KIFAP3: variants seen among roughly 807,000 people sequenced by gnomAD.
The protein encoded by KIFAP3 is kinesin-associated protein 3.
In KIFAP3, 68 loss-of-function variants were observed where a neutral mutation model predicts 106.5. That is an observed-to-expected ratio of 0.64 (90% confidence interval 0.53 to 0.78). The LOEUF is 0.78. Ranked by LOEUF, KIFAP3 falls within the 30% of genes least tolerant of loss-of-function variation. The pLI, the probability that KIFAP3 is intolerant of heterozygous loss-of-function variation, is 0.00. For missense variants in KIFAP3, 780 were observed against 941.8 expected (o/e 0.83, Z 2.25); for synonymous variants, 320 against 311.5 (o/e 1.03, Z -0.29).
Position 170,016,600 on chromosome 1 carries a change from G to C in KIFAP3, c.1045C>G (p.Leu349Val), listed in dbSNP as rs1188382798. 4 of 1,590,428 alleles carry C rather than the reference G, an allele frequency of 2.5e-6. No homozygotes were observed. Among genetic ancestry groups the C allele is most frequent in the Non-Finnish European group, 3.4e-6 (4 of 1,171,928 alleles). Residue 349 changes from leucine to valine, a missense_variant, in exon 10 of 20, where the codon CTG (leucine) becomes GTG (valine). This residue lies in a region of KIFAP3 where 588 missense variants were observed against 678.9 expected (regional missense o/e 0.87). Coordinates refer to ENST00000361580, the MANE Select transcript of KIFAP3 (RefSeq NM_014970.4). Reference protein sequence around the residue: ...DMVEMDIVEKLVKMIPCEHED... With the variant: ...DMVEMDIVEKVVKMIPCEHED... ...TGCTCACAAGGTATCATTTTCACCA[G>C]TTTTTCAACAATATCCATTTCCACC...
At chr1:169,944,106 GC>G (rs546987769) in intron 19 of KIFAP3, among the ~76,000 whole-genome samples, 48 of 152,268 alleles carry the variant, frequency 3.2e-4, no homozygotes, top group Admixed American at 2.4e-3. Context: ...TGCCCACTAG[GC>G]CCGATAGGCT....
At chr1:169,944,797 A>T (rs957895318) in intron 19 of KIFAP3, among the ~76,000 whole-genome samples, 2 of 152,084 alleles carry the variant, frequency 1.3e-5, no homozygotes, top group Admixed American at 1.3e-4. Flanking sequence ...CCACGTCTGT[A>T]TGAGTCTGGC....
At chr1:169,985,258 A>C (rs932525816) in intron 11 of KIFAP3, among the ~76,000 whole-genome samples, 3 of 151,934 alleles carry the variant, frequency 2.0e-5, no homozygotes, top group Admixed American at 2.0e-4. Flanking sequence ...AGATTTACCC[A>C]GTGTAGAAAA....
At chr1:170,022,541 T>TC (rs1668898868) in intron 9 of KIFAP3, among the ~76,000 whole-genome samples, 1 of 152,178 alleles carries the variant, frequency 6.6e-6, no homozygotes, top group Non-Finnish European at 1.5e-5. Flanking sequence ...TTAATGTCTC[T>TC]GGTCCTCTCC....
At chr1:169,934,944 T>G (rs914943157) in intron 19 of KIFAP3, among the ~76,000 whole-genome samples, 1 of 152,044 alleles carries the variant, frequency 6.6e-6, no homozygotes, top group African/African-American at 2.4e-5. Flanking sequence ...TTTTTCCCCA[T>G]AGTGTATAAA....
intron 10 of KIFAP3, among the ~76,000 whole-genome samples, chr1:170,000,926 T>G (rs1012564360): frequency 2.0e-5 from 3 of 152,120 alleles, no homozygotes. Context: ...GGTTCACGGA[T>G]AAGTAATTTT....
chr1:169,923,111 C>G, intron 19 of KIFAP3: 2 of 984,676 alleles, frequency 2.0e-6, no homozygotes, highest in Non-Finnish European at 2.4e-6. Flanking sequence ...TTCTGAAATA[C>G]AAGTTTCAGG....
chr1:170,065,822 CA>C, intron 1 of KIFAP3, among the ~76,000 whole-genome samples: 2 of 152,140 alleles, frequency 1.3e-5, no homozygotes, highest in South Asian at 4.2e-4. Flanking sequence ...GCCATACAGC[CA>C]GTGGCTATGT....
rs748221653 is a variant in KIFAP3, at chr1:169,982,082, T to A, written c.1688A>T (p.Asp563Val). The A allele has an allele frequency of 6.2e-7, 1 of 1,613,474 alleles. No individual in the cohort carries two copies. The highest frequency in any genetic ancestry group is 8.5e-7 in the Non-Finnish European group (1 of 1,179,608). Reference sequence around the variant, plus strand: ...CATTATAACCACTTCTAAAACAAGATCATCTTCTGCAGCACCTAGTGAAGT... The same window carrying A: ...CATTATAACCACTTCTAAAACAAGAACATCTTCTGCAGCACCTAGTGAAGT... ...DKLKPGAAED[D>V]LVLEVVIMIG... Residue 563 changes from aspartate (D) to valine (V), a missense_variant, in exon 15 of 20, where the codon GAT becomes GTT. Asp to Val is a radical substitution (Grantham distance 152). Transcript: ENST00000361580.
intron 9 of KIFAP3, among the ~76,000 whole-genome samples, chr1:170,018,084 A>G (rs1668613542): frequency 6.6e-6 from 1 of 152,202 alleles, no homozygotes; most frequent in Admixed American, 6.5e-5. Flanking sequence ...TTTGACTTTT[A>G]CAATTTTAAA....
At chr1:170,057,918 C>T (rs1488212451) in intron 1 of KIFAP3, among the ~76,000 whole-genome samples, 2 of 152,078 alleles carry the variant, frequency 1.3e-5, no homozygotes, top group South Asian at 2.1e-4. Context: ...TGTTTTCATA[C>T]ATGTGTAAGA....
At chr1:170,050,816 C>G (rs1670539446) in intron 2 of KIFAP3, among the ~76,000 whole-genome samples, 1 of 152,108 alleles carries the variant, frequency 6.6e-6, no homozygotes, top group Non-Finnish European at 1.5e-5. Context: ...CACAACCAAG[C>G]CTGCCTTAAA....
At chr1:169,996,007 A>G (rs1279973279) in intron 10 of KIFAP3, among the ~76,000 whole-genome samples, 1 of 152,084 alleles carries the variant, frequency 6.6e-6, no homozygotes, top group Non-Finnish European at 1.5e-5. Context: ...AAAAATTATA[A>G]TAATTTCTAC....
At chr1:169,922,212 C>A (rs1662866176) in intron 19 of KIFAP3, among the ~76,000 whole-genome samples, 1 of 152,080 alleles carries the variant, frequency 6.6e-6, no homozygotes, top group South Asian at 2.1e-4. Context: ...AGATACAGGA[C>A]TAATTCCACT....
chr1:170,082,732 G>C (rs1339677268), intron 1 of KIFAP3, among the ~76,000 whole-genome samples: 1 of 152,110 alleles, frequency 6.6e-6, no homozygotes, highest in African/African-American at 2.4e-5. Flanking sequence ...CAGCACTTTG[G>C]GGGGCCAAGG....
At chr1:170,021,406 A>C (rs888578091) in intron 9 of KIFAP3, among the ~76,000 whole-genome samples, 7 of 151,476 alleles carry the variant, frequency 4.6e-5, no homozygotes, top group African/African-American at 1.5e-4. Context: ...AAACTTAATA[A>C]AAAAAAACTT....
At chr1:170,044,456 G>A (rs1415842401) in intron 3 of KIFAP3, among the ~76,000 whole-genome samples, 2 of 152,188 alleles carry the variant, frequency 1.3e-5, no homozygotes, top group South Asian at 2.1e-4. Context: ...GATGACTACT[G>A]TGACTCTGAA....
At chr1:169,945,280 G>A (rs61806095) in intron 19 of KIFAP3, among the ~76,000 whole-genome samples, 4,040 of 152,280 alleles carry the variant, frequency 0.027, 102 homozygotes, top group Middle Eastern at 0.051. Context: ...CCAGGGAGTG[G>A]AAGCAGGCAC....
chr1:170,028,209 A>G (rs903666318), intron 8 of KIFAP3, among the ~76,000 whole-genome samples: 12 of 152,194 alleles, frequency 7.9e-5, no homozygotes, highest in African/African-American at 2.9e-4. Context: ...GATCTACACA[A>G]AGGAATAATA....
Sources: allele counts gnomAD v4.1 joint callset (sites outside exome capture counted in the v4.1 genomes callset), GRCh38; gene constraint gnomAD v4.1.1; regional missense constraint gnomAD v4.1.1; transcripts MANE v1.5; gene names NCBI Gene and HGNC (gene_info 2026-07-23, HGNC 2026-07-21).